The following DMD variants were observed in gnomAD, a reference collection of about 807,000 sequenced individuals.
DMD encodes dystrophin.
A neutral mutation model predicts 330.1 loss-of-function variants in DMD; 63 were observed. The ratio of observed to expected loss-of-function variants is 0.19; its 90% CI spans 0.16 to 0.24. DMD has a LOEUF of 0.24. Among genes scored for constraint, DMD ranks in the 10% least tolerant of loss-of-function variants. The pLI, the probability that DMD is intolerant of heterozygous loss-of-function variation, is 1.00. For synonymous variants in DMD, 1,223 were observed against 959.8 expected, an observed-to-expected ratio of 1.27 and a Z score of -5.07; for missense variants, 3,344 against 2,684.1, an observed-to-expected ratio of 1.25 and a Z score of -5.43.
chrX:32,714,772 T>G (rs1241671396), intron 7 of DMD, among the ~76,000 whole-genome samples: 1 of 112,117 alleles, frequency 8.9e-6, no homozygotes, highest in Non-Finnish European at 1.9e-5. Context: ...TCTTGTGCGG[T>G]TTACTTCTAA....
intron 1 of DMD, among the ~76,000 whole-genome samples, chrX:33,333,712 TG>T (rs928561082): frequency 9.0e-6 from 1 of 110,950 alleles, no homozygotes; most frequent in African/African-American, 3.3e-5. Context: ...TCCTATGACA[TG>T]AAAAAAAATC....
chrX:33,330,048 AATAG>A (rs1484321051), intron 1 of DMD, among the ~76,000 whole-genome samples: 3 of 111,386 alleles, frequency 2.7e-5, no homozygotes, highest in Non-Finnish European at 5.7e-5. Context: ...CAGAGATATA[AATAG>A]ATATATAGAT....
chrX:32,600,768 C>T (rs1042725600), intron 12 of DMD, among the ~76,000 whole-genome samples: 1 of 110,733 alleles, frequency 9.0e-6, no homozygotes, highest in Non-Finnish European at 1.9e-5. Context: ...TCAATAAATG[C>T]ACACATAAGG....
intron 67 of DMD, among the ~76,000 whole-genome samples, chrX:31,185,773 TG>T (rs1273719271): frequency 6.3e-4 from 63 of 99,608 alleles, no homozygotes; most frequent in African/African-American, 2.4e-3. Flanking sequence ...ATATGTTTTT[TG>T]TTTTTTTTTT....
intron 7 of DMD, among the ~76,000 whole-genome samples, chrX:32,724,931 T>A (rs1468343100): frequency 1.8e-5 from 2 of 111,783 alleles, no homozygotes; most frequent in African/African-American, 6.5e-5. Flanking sequence ...CAGAGTTGTG[T>A]TCTTGGCATC....
intron 60 of DMD, among the ~76,000 whole-genome samples, chrX:31,436,715 T>C (rs1311522856): frequency 8.9e-6 from 1 of 112,111 alleles, no homozygotes; most frequent in Non-Finnish European, 1.9e-5. Flanking sequence ...TTTAAATTTA[T>C]ACTCTCCTTC....
At chrX:33,071,301 A>G (rs1216279058) in intron 1 of DMD, among the ~76,000 whole-genome samples, 1 of 109,603 alleles carries the variant, frequency 9.1e-6, no homozygotes, top group Non-Finnish European at 1.9e-5. Context: ...AAATACAAAA[A>G]TTAGCCAAGT....
intron 1 of DMD, among the ~76,000 whole-genome samples, chrX:33,283,276 C>T (rs5972806): frequency 0.19 from 20,881 of 111,342 alleles, 1,543 homozygotes; most frequent in East Asian, 0.41. Context: ...CGGTGGCTCA[C>T]GCCTGTAATC....
rs182856882 is a variant in DMD, at chrX:33,314,199, T to C, written c.7+25060A>G. Among the ~76,000 whole-genome samples the C allele has an allele frequency of 5.2e-4, 58 of 111,236 alleles. 1 individual carries two copies. The East Asian group carries it at 0.016, about 31-fold the overall frequency. On this transcript the variant is annotated intron_variant, in intron 1 of 17. Transcript: ENST00000288447. The stretch of plus-strand genomic sequence containing the variant: ...ATTATATTAAACTCTACTAGTTTCC[T>C]ATTGCTCATATAATAAATTACCATG...
At chrX:32,896,376 G>A (rs1424664078) in intron 2 of DMD, among the ~76,000 whole-genome samples, 1 of 111,861 alleles carries the variant, frequency 8.9e-6, no homozygotes, top group Non-Finnish European at 1.9e-5. Flanking sequence ...GCCACCCCTG[G>A]TGACTTCAAG....
At chrX:32,361,531 C>CT (rs1569559697) in intron 37 of DMD, among the ~76,000 whole-genome samples, 1 of 111,605 alleles carries the variant, frequency 9.0e-6, no homozygotes, top group African/African-American at 3.3e-5. Context: ...AAACTAACAA[C>CT]TTTTTAATTT....
At position 31,944,041 on chromosome X, in the gene DMD, G is replaced by C. The variant is rs755302281; in HGVS notation, c.6615-11814C>G. ...TGCAGCTAAGTTCCTCAGAAACAGA[G>C]GTTACTATTCTTTAAAAGAATATAG... On this transcript the variant is annotated intron_variant, in intron 45 of 78. Transcript: ENST00000357033. 1.3e-4 allele frequency among the ~76,000 whole-genome samples: 14 copies of C among 111,696 alleles called. No homozygotes were observed. The East Asian group carries it at 3.7e-3, about 29-fold the overall frequency.
chrX:31,363,356 C>A (rs1469670352), intron 60 of DMD, among the ~76,000 whole-genome samples: 1 of 99,657 alleles, frequency 1.0e-5, no homozygotes, highest in Non-Finnish European at 2.0e-5. Context: ...TCTTTCAGTA[C>A]ACATAAGACA....
chrX:31,315,226 T>C (rs1368539011), intron 62 of DMD, among the ~76,000 whole-genome samples: 2 of 112,043 alleles, frequency 1.8e-5, no homozygotes, highest in Non-Finnish European at 3.8e-5. Context: ...ATTCTAAAAA[T>C]GCAGCTCACA....
chrX:32,279,966 CATATATATATGTACCCCACATAT>C (rs1411549826), intron 43 of DMD, among the ~76,000 whole-genome samples: 3 of 64,328 alleles, frequency 4.7e-5, no homozygotes, highest in Admixed American at 1.6e-4. Context: ...ATGTGTAACC[CATATATATATGTACCCCACATAT>C]ATATATATGT....
At chrX:32,084,491 A>T (rs1209885549) in intron 44 of DMD, among the ~76,000 whole-genome samples, 1 of 111,719 alleles carries the variant, frequency 9.0e-6, no homozygotes, top group African/African-American at 3.3e-5. Context: ...ACAAAGACTC[A>T]GGATATGCCA....
chrX:31,854,228 C>T (rs776465092), intron 48 of DMD, among the ~76,000 whole-genome samples: 3 of 111,822 alleles, frequency 2.7e-5, no homozygotes, highest in African/African-American at 9.7e-5. Flanking sequence ...AGGTTAGCTG[C>T]TCTGAAATTG....
intron 44 of DMD, among the ~76,000 whole-genome samples, chrX:32,112,465 G>C (rs925122300): frequency 8.9e-6 from 1 of 111,788 alleles, no homozygotes; most frequent in Non-Finnish European, 1.9e-5. Context: ...GTAGCAGCGG[G>C]AAGGTCATAT....
At chrX:32,277,553 T>C (rs751581374) in intron 43 of DMD, among the ~76,000 whole-genome samples, 263 of 111,806 alleles carry the variant, frequency 2.4e-3, no homozygotes, top group African/African-American at 7.9e-3. Context: ...TTATCAAAGA[T>C]AGACCACACA....
Sources: gnomAD v4.1 joint callset for allele counts (sites outside exome capture counted in the v4.1 genomes callset) on GRCh38, gnomAD v4.1.1 for gene constraint, MANE v1.5 for transcripts, NCBI Gene and HGNC (gene_info 2026-07-23, HGNC 2026-07-21) for gene names.